Variants in PPM1H observed in about 807,000 individuals in gnomAD.
PPM1H encodes the protein protein phosphatase 1H.
PPM1H carries 27 observed loss-of-function variants against 54.9 expected under a neutral mutation model. That is an observed-to-expected ratio of 0.49 (90% CI 0.36 to 0.68). The LOEUF is 0.68. Among genes scored for constraint, PPM1H ranks in the 30% least tolerant of loss-of-function variants. PPM1H has a pLI of 0.00. For synonymous variants in PPM1H, 305 were observed against 270.8 expected (o/e 1.13, Z -1.24); for missense variants, 596 against 667.8 (o/e 0.89, Z 1.19).
intron 5 of PPM1H, among the ~76,000 whole-genome samples, chr12:62,732,575 GT>G (rs752751007): frequency 0.013 from 1,883 of 141,868 alleles, 25 homozygotes; most frequent in African/African-American, 0.044. Flanking sequence ...TTTGTTTTCG[GT>G]TTTTTTTTTT....
At chr12:62,666,805 C>G (rs2075920326) in intron 9 of PPM1H, among the ~76,000 whole-genome samples, 1 of 152,058 alleles carries the variant, frequency 6.6e-6, no homozygotes, top group African/African-American at 2.4e-5. Context: ...CCTCTACCTC[C>G]CAGGTTCAAG....
chr12:62,893,274 T>G lies in PPM1H; in HGVS notation c.245+41218A>C, dbSNP rs116873693. On this transcript the variant is annotated intron_variant, in intron 1 of 9. Coordinates refer to ENST00000228705, the MANE Select transcript of PPM1H (RefSeq NM_020700.2). ...ACTCAGTGGCTTCAACAACATAAAT[T>G]TGTACCTTCACAGTTCTGGAGGCTA... 1.6e-3 allele frequency among the ~76,000 whole-genome samples: 244 copies of G among 152,232 alleles called. 4 individuals carry two copies. The East Asian group carries it at 0.022, about 14-fold the overall frequency.
Position 62,647,780 on chromosome 12 carries a change from G to C in PPM1H, c.*709C>G, listed in dbSNP as rs763119640. 1 of 152,490 alleles carries C rather than the reference G, an allele frequency of 6.6e-6. No homozygotes were observed. Among genetic ancestry groups the C allele is most frequent in the Non-Finnish European group, 1.5e-5 (1 of 68,292 alleles). The allele number at this position is 152,490 out of a possible 1,614,324, so 9.4% of individuals were successfully genotyped here. ...GATGCTGCCTGGGCTGTGTGGGCTG[G>C]AGGAGGTGGGGACAACCCAGCCTGG... On this transcript the variant is annotated 3_prime_UTR_variant, in exon 10 of 10. Transcript: ENST00000228705.
At position 62,825,316 on chromosome 12, in the gene PPM1H, A is replaced by T. The variant is rs146340599; in HGVS notation, c.411+6798T>A. Among the ~76,000 whole-genome samples the T allele has an allele frequency of 8.7e-3, 1,332 of 152,346 alleles. 18 individuals carry two copies. The highest frequency in any genetic ancestry group is 0.031 in the African/African-American group (1,289 of 41,576). On this transcript the variant is annotated intron_variant, in intron 2 of 9. Coordinates refer to ENST00000228705, the MANE Select transcript of PPM1H (RefSeq NM_020700.2). ...TAAACTAGTTCAACCATTGTGGAAG[A>T]CAGTGTGGTGATTCCTCAGTGATCT...
intron 3 of PPM1H, among the ~76,000 whole-genome samples, chr12:62,790,334 T>C (rs1202294767): frequency 4.6e-5 from 7 of 152,130 alleles, no homozygotes; most frequent in African/African-American, 1.7e-4. Context: ...TCCAATACTT[T>C]GGGAGGCAGA....
intron 5 of PPM1H, among the ~76,000 whole-genome samples, chr12:62,725,590 A>G (rs1219200933): frequency 6.6e-6 from 1 of 152,122 alleles, no homozygotes. Flanking sequence ...AAGTTTACCT[A>G]TTTCTTTAGG....
chr12:62,870,723 T>C (rs1298800942), intron 1 of PPM1H, among the ~76,000 whole-genome samples: 1 of 152,196 alleles, frequency 6.6e-6, no homozygotes, highest in Non-Finnish European at 1.5e-5. Flanking sequence ...TTAATGCTAA[T>C]ATTAGACTCT....
chr12:62,732,775 T>C (rs1337231119), intron 5 of PPM1H, among the ~76,000 whole-genome samples: 3 of 151,968 alleles, frequency 2.0e-5, no homozygotes, highest in African/African-American at 7.3e-5. Context: ...GGTTTCACCG[T>C]GTTAGCCAGG....
intron 2 of PPM1H, among the ~76,000 whole-genome samples, chr12:62,825,838 A>T (rs145109522): frequency 0.012 from 1,757 of 152,152 alleles, 31 homozygotes; most frequent in African/African-American, 0.04. Context: ...CCTACGTAAC[A>T]AACCTGCATA....
At chr12:62,668,313 T>G (rs2075932217) in intron 8 of PPM1H, among the ~76,000 whole-genome samples, 3 of 152,206 alleles carry the variant, frequency 2.0e-5, no homozygotes, top group Admixed American at 1.3e-4. Flanking sequence ...TACCATCTCA[T>G]GAACTGAGAA....
At chr12:62,693,817 C>A in intron 7 of PPM1H, 119 bp downstream of exon 7, 1 of 861,168 alleles carries the variant, frequency 1.2e-6, no homozygotes, top group Non-Finnish European at 1.8e-6. Flanking sequence ...TGCTTTCAAG[C>A]TGTCAAGGCT....
At chr12:62,717,433 C>T (rs910256720) in intron 6 of PPM1H, among the ~76,000 whole-genome samples, 1 of 151,394 alleles carries the variant, frequency 6.6e-6, no homozygotes, top group Admixed American at 6.6e-5. Flanking sequence ...TGTTTATCTG[C>T]TTAGGACCAT....
intron 1 of PPM1H, among the ~76,000 whole-genome samples, chr12:62,849,527 C>G (rs1217948217): frequency 1.3e-5 from 2 of 152,152 alleles, no homozygotes; most frequent in Admixed American, 6.5e-5. Context: ...AGCTGAGCAG[C>G]TCTCAGATCT....
intron 2 of PPM1H, among the ~76,000 whole-genome samples, chr12:62,819,839 G>C (rs61921196): frequency 0.17 from 25,660 of 152,194 alleles, 2,494 homozygotes; most frequent in African/African-American, 0.25. Context: ...CAGCTCTGGT[G>C]TGCAGCTCCC....
At chr12:62,693,382 A>C (rs1234227191) in intron 7 of PPM1H, among the ~76,000 whole-genome samples, 1 of 152,116 alleles carries the variant, frequency 6.6e-6, no homozygotes, top group Non-Finnish European at 1.5e-5. Context: ...AATTACAGTG[A>C]CGCTTTGGAC....
At chr12:62,849,075 G>T (rs914380204) in intron 1 of PPM1H, among the ~76,000 whole-genome samples, 7 of 152,124 alleles carry the variant, frequency 4.6e-5, no homozygotes, top group Non-Finnish European at 1.0e-4. Context: ...GAAAAGAAAT[G>T]GTAACAGAGG....
At chr12:62,700,527 T>C (rs914738767) in intron 6 of PPM1H, among the ~76,000 whole-genome samples, 1 of 152,232 alleles carries the variant, frequency 6.6e-6, no homozygotes, top group Non-Finnish European at 1.5e-5. Context: ...ATTAACATTA[T>C]GTCAAATACT....
At chr12:62,657,125 T>C (rs1373123399) in intron 9 of PPM1H, among the ~76,000 whole-genome samples, 2 of 152,024 alleles carry the variant, frequency 1.3e-5, no homozygotes, top group Non-Finnish European at 2.9e-5. Flanking sequence ...ACTGGGCTCA[T>C]TGGGAGTTTG....
At chr12:62,797,415 T>C (rs1251431182) in intron 3 of PPM1H, among the ~76,000 whole-genome samples, 2 of 152,030 alleles carry the variant, frequency 1.3e-5, no homozygotes, top group Non-Finnish European at 2.9e-5. Context: ...TTTCCTATTA[T>C]AGAAAATCAA....
Sources: gnomAD v4.1 joint callset for allele counts (sites outside exome capture counted in the v4.1 genomes callset) on GRCh38, gnomAD v4.1.1 for gene constraint, MANE v1.5 for transcripts, NCBI Gene and HGNC (gene_info 2026-07-23, HGNC 2026-07-21) for gene names.